SLC25A31: variants seen among roughly 807,000 people sequenced by gnomAD.
The protein encoded by SLC25A31 is ADP/ATP translocase 4.
In SLC25A31, 40 loss-of-function variants were observed where a neutral mutation model predicts 36.2. That is an observed-to-expected ratio of 1.10 (90% CI 0.86 to 1.44). The LOEUF (loss-of-function observed/expected upper bound fraction) is 1.44, where lower values mean the gene tolerates loss of function less well. Among genes scored for constraint, SLC25A31 ranks in the 40% most tolerant of loss-of-function variants. SLC25A31 has a pLI of 0.00. For missense variants in SLC25A31, 350 were observed against 397.1 expected, an observed-to-expected ratio of 0.88 and a Z score of 1.01; for synonymous variants, 143 against 149.7, an observed-to-expected ratio of 0.96 and a Z score of 0.32.
intron 2 of SLC25A31, among the ~76,000 whole-genome samples, chr4:127,750,395 A>G (rs1731907339): frequency 6.6e-6 from 1 of 152,188 alleles, no homozygotes; most frequent in Non-Finnish European, 1.5e-5. Context: ...TGGAAGTCCA[A>G]ATACTCCTTG....
Position 127,774,009 on chromosome 4 carries a change from T to C in SLC25A31, c.*435T>C, listed in dbSNP as rs987685284. 6.5e-6 allele frequency: 1 copy of C among 153,454 alleles called. No individual in the cohort carries two copies. The highest frequency in any genetic ancestry group is 2.4e-5 in the African/African-American group (1 of 41,476). The allele number at this position is 153,454 out of a possible 1,614,324, so 9.5% of individuals were successfully genotyped here. A position where few individuals can be genotyped will look rare whatever the true frequency, so the allele number is the denominator to read the frequency against. On this transcript the variant is annotated 3_prime_UTR_variant, in exon 6 of 6. Coordinates refer to ENST00000281154, the MANE Select transcript of SLC25A31 (RefSeq NM_031291.4). ...TTATCAATAGATGTCATCATATGTG[T>C]AGGCAGAAATAAGCTTTGTTCTATA...
At chr4:127,749,945 A>G (rs1416933717) in intron 2 of SLC25A31, among the ~76,000 whole-genome samples, 1 of 152,228 alleles carries the variant, frequency 6.6e-6, no homozygotes. Context: ...AAGAATTTTA[A>G]AAGTAGCAGA....
At chr4:127,741,323 A>G (rs1299033756) in intron 1 of SLC25A31, among the ~76,000 whole-genome samples, 5 of 152,140 alleles carry the variant, frequency 3.3e-5, no homozygotes, top group Admixed American at 1.3e-4. Context: ...AAAGTTTTCA[A>G]CTTTTCTCCA....
At chr4:127,766,596 C>T (rs1314472367) in intron 3 of SLC25A31, among the ~76,000 whole-genome samples, 1 of 152,052 alleles carries the variant, frequency 6.6e-6, no homozygotes, top group East Asian at 1.9e-4. Flanking sequence ...CTCCTAGTCT[C>T]AAGTGATCTA....
At chr4:127,763,934 A>G (rs140921045) in intron 2 of SLC25A31, among the ~76,000 whole-genome samples, 191 of 152,280 alleles carry the variant, frequency 1.3e-3, no homozygotes, top group African/African-American at 4.3e-3. Context: ...AAAAGTATAC[A>G]GCGTAAAGAG....
intron 1 of SLC25A31, 130 bp downstream of exon 1, chr4:127,730,907 C>G: frequency 1.1e-6 from 1 of 889,964 alleles, no homozygotes; most frequent in Admixed American, 2.8e-5. Flanking sequence ...GATGAATTTG[C>G]TTCTTACCCT....
intron 2 of SLC25A31, among the ~76,000 whole-genome samples, chr4:127,757,224 G>A (rs1401321747): frequency 6.6e-6 from 1 of 152,130 alleles, no homozygotes; most frequent in Non-Finnish European, 1.5e-5. Flanking sequence ...GGCATCTGTT[G>A]AACCCATCAA....
intron 2 of SLC25A31, among the ~76,000 whole-genome samples, chr4:127,746,844 G>A (rs986804497): frequency 1.3e-5 from 2 of 152,042 alleles, no homozygotes; most frequent in Admixed American, 6.6e-5. Flanking sequence ...TGAAATCTTT[G>A]CCCATTCCTA....
Position 127,773,674 on chromosome 4 carries a change from T to G in SLC25A31, c.*100T>G. 1.1e-6 allele frequency: 1 copy of G among 941,742 alleles called. No homozygotes were observed. The highest frequency in any genetic ancestry group is 1.5e-6 in the Non-Finnish European group (1 of 666,728). 58.3% of individuals were successfully genotyped at this position (941,742 alleles called of 1,614,324 possible). A position where few individuals can be genotyped will look rare whatever the true frequency, so the allele number is the denominator to read the frequency against. ...ATTTTGATAGTGTTATTGTCTGTAT[T>G]TTGTTAAAGTGCTAGTTCTGCAATA... On this transcript the variant is annotated 3_prime_UTR_variant, in exon 6 of 6. Transcript: ENST00000281154.
At chr4:127,745,132 T>A (rs1418035405) in intron 2 of SLC25A31, among the ~76,000 whole-genome samples, 2 of 152,134 alleles carry the variant, frequency 1.3e-5, no homozygotes, top group African/African-American at 2.4e-5. Context: ...CAGAAAGAAA[T>A]CAACAAGTAC....
chr4:127,751,736 AC>A (rs1457723070), intron 2 of SLC25A31, among the ~76,000 whole-genome samples: 1 of 152,192 alleles, frequency 6.6e-6, no homozygotes, highest in Non-Finnish European at 1.5e-5. Context: ...GAAAAAAACA[AC>A]CCCATCAAAA....
chr4:127,744,264 G>A (rs1278542236), intron 1 of SLC25A31, among the ~76,000 whole-genome samples: 1 of 152,142 alleles, frequency 6.6e-6, no homozygotes, highest in African/African-American at 2.4e-5. Flanking sequence ...ATAAGTATGT[G>A]TACAAATCAG....
intron 5 of SLC25A31, among the ~76,000 whole-genome samples, chr4:127,770,949 CTTTTTTTTTT>C (rs558206857): frequency 2.5e-5 from 2 of 80,812 alleles, no homozygotes; most frequent in African/African-American, 1.1e-4. Flanking sequence ...TCTTCTTCTT[CTTTTTTTTTT>C]TTTTTTTTTT....
At chr4:127,769,838 AG>A (rs1732318918) in intron 5 of SLC25A31, among the ~76,000 whole-genome samples, 1 of 152,248 alleles carries the variant, frequency 6.6e-6, no homozygotes, top group African/African-American at 2.4e-5. Flanking sequence ...TTCTAAGCAT[AG>A]GGGGAAAATC....
intron 2 of SLC25A31, among the ~76,000 whole-genome samples, chr4:127,762,795 G>C (rs897109184): frequency 6.6e-6 from 1 of 151,940 alleles, no homozygotes; most frequent in African/African-American, 2.4e-5. Flanking sequence ...GTGGTGGCGG[G>C]CGCCTGTAGT....
At chr4:127,762,710 A>T (rs1481851793) in intron 2 of SLC25A31, among the ~76,000 whole-genome samples, 2 of 152,052 alleles carry the variant, frequency 1.3e-5, no homozygotes, top group African/African-American at 4.8e-5. Flanking sequence ...CGAGGTCAGG[A>T]GATGGAAACC....
At chr4:127,741,432 A>G (rs1192467714) in intron 1 of SLC25A31, among the ~76,000 whole-genome samples, 1 of 152,172 alleles carries the variant, frequency 6.6e-6, no homozygotes, top group Non-Finnish European at 1.5e-5. Context: ...TTACATAAAG[A>G]TAAATTCTGT....
chr4:127,731,733 C>T (rs1731530481), intron 1 of SLC25A31, among the ~76,000 whole-genome samples: 1 of 151,996 alleles, frequency 6.6e-6, no homozygotes, highest in South Asian at 2.1e-4. Context: ...AAGCCCCTCT[C>T]TTTCAACTAG....
At chr4:127,749,462 G>A (rs1241513469) in intron 2 of SLC25A31, among the ~76,000 whole-genome samples, 2 of 152,160 alleles carry the variant, frequency 1.3e-5, no homozygotes, top group African/African-American at 2.4e-5. Flanking sequence ...GTGTGGATGG[G>A]CACTGGTGTG....
Sources: allele counts gnomAD v4.1 joint callset (sites outside exome capture counted in the v4.1 genomes callset), GRCh38; gene constraint gnomAD v4.1.1; transcripts MANE v1.5; gene names NCBI Gene and HGNC (gene_info 2026-07-23, HGNC 2026-07-21).